Variants in ABCA13 observed in about 807,000 individuals in gnomAD.
The protein encoded by ABCA13 is ATP-binding cassette sub-family A member 13.
A neutral mutation model predicts 478.7 loss-of-function variants in ABCA13; 476 were observed. That is an observed-to-expected ratio of 0.99 (90% CI 0.92 to 1.07). The LOEUF is 1.07. ABCA13 is among the 50% of genes least tolerant of loss of function. The pLI is 0.00. For synonymous variants in ABCA13, 2,252 were observed against 2,158.9 expected, an observed-to-expected ratio of 1.04 and a Z score of -1.20; for missense variants, 6,060 against 5,910.6, an observed-to-expected ratio of 1.03 and a Z score of -0.83.
At chr7:48,312,198 GC>G (rs759189946) in intron 24 of ABCA13, among the ~76,000 whole-genome samples, 7 of 152,194 alleles carry the variant, frequency 4.6e-5, no homozygotes, top group Non-Finnish European at 7.4e-5. Context: ...AAAATAAGAA[GC>G]AGTGACAACT....
intron 55 of ABCA13, among the ~76,000 whole-genome samples, chr7:48,550,508 C>G (rs961211795): frequency 6.6e-6 from 1 of 151,210 alleles, no homozygotes; most frequent in Non-Finnish European, 1.5e-5. Flanking sequence ...TCCGCCCCCC[C>G]TCAGCCTCCC....
intron 2 of ABCA13, among the ~76,000 whole-genome samples, chr7:48,193,447 GA>G (rs1030710812): frequency 1.3e-5 from 2 of 152,024 alleles, no homozygotes; most frequent in African/African-American, 4.8e-5. Context: ...TGATGCTGAT[GA>G]TATGATGATG....
chr7:48,496,253 A>G (rs1262722849), intron 48 of ABCA13, among the ~76,000 whole-genome samples: 1 of 151,798 alleles, frequency 6.6e-6, no homozygotes, highest in Non-Finnish European at 1.5e-5. Flanking sequence ...ACATTCATTT[A>G]GTTTTCTTAG....
chr7:48,481,015 T>A (rs1182632210), intron 45 of ABCA13, 21 bp from the exon 46 acceptor site: 8 of 1,522,726 alleles, frequency 5.3e-6, no homozygotes, highest in Non-Finnish European at 4.5e-6. Context: ...TTTGTTTTTA[T>A]CTTTTTGAAA....
At chr7:48,510,544 G>T (rs1563372518) in intron 50 of ABCA13, among the ~76,000 whole-genome samples, 1 of 152,200 alleles carries the variant, frequency 6.6e-6, no homozygotes, top group Non-Finnish European at 1.5e-5. Context: ...AGATGGATAT[G>T]CATGACAGTA....
chr7:48,497,473 A>T (rs1228639147), intron 48 of ABCA13, among the ~76,000 whole-genome samples: 2 of 152,026 alleles, frequency 1.3e-5, no homozygotes, highest in Non-Finnish European at 2.9e-5. Context: ...GTTGTGAAGG[A>T]TTATTTTCAG....
At chr7:48,466,123 A>C (rs1428772443) in intron 43 of ABCA13, among the ~76,000 whole-genome samples, 1 of 152,224 alleles carries the variant, frequency 6.6e-6, no homozygotes, top group Non-Finnish European at 1.5e-5. Flanking sequence ...ATACTAATTT[A>C]GAATTTTAAT....
intron 55 of ABCA13, among the ~76,000 whole-genome samples, chr7:48,566,019 T>G (rs1398895893): frequency 6.6e-6 from 1 of 152,152 alleles, no homozygotes; most frequent in African/African-American, 2.4e-5. Flanking sequence ...TCCAGCAGTT[T>G]GGAAGCAAAT....
At chr7:48,587,977 A>G (rs1789356655) in intron 57 of ABCA13, among the ~76,000 whole-genome samples, 1 of 152,272 alleles carries the variant, frequency 6.6e-6, no homozygotes, top group African/African-American at 2.4e-5. Flanking sequence ...TCTAATCAGT[A>G]GAGTGCATCT....
chr7:48,614,019 T>G lies in ABCA13; in HGVS notation c.14745-1266T>G, dbSNP rs182884857. Among the ~76,000 whole-genome samples, 548 of 148,872 alleles carry G rather than the reference T, an allele frequency of 3.7e-3. 9 individuals carry two copies. The highest frequency in any genetic ancestry group is 0.011 in the African/African-American group (469 of 41,104). On this transcript the variant is annotated intron_variant, in intron 58 of 61. Transcript: ENST00000435803. ...ATACAACTTATTTATATTTTACATA[T>G]AATTAATTTACTTATGTTTTATGTT...
intron 27 of ABCA13, among the ~76,000 whole-genome samples, chr7:48,334,172 A>G (rs986122945): frequency 8.6e-5 from 13 of 151,984 alleles, no homozygotes; most frequent in African/African-American, 2.9e-4. Flanking sequence ...GATTTTACAG[A>G]TCTTCTACAT....
chr7:48,304,661 A>G (rs1008893831), intron 23 of ABCA13, among the ~76,000 whole-genome samples: 7 of 152,184 alleles, frequency 4.6e-5, no homozygotes, highest in Admixed American at 6.5e-5. Flanking sequence ...AAAACCACCT[A>G]TTGGGCACTA....
Position 48,239,400 on chromosome 7 carries a change from C to G in ABCA13, c.1057C>G (p.Gln353Glu). Residue 353 changes from glutamine (Q) to glutamate (E), a missense_variant, in exon 9 of 62, where the codon CAA becomes GAA. Around this residue, in one of 3 missense-constraint regions of ABCA13, gnomAD observed 4,423 missense variants for 4,309.1 expected, o/e 1.03. Transcript: ENST00000435803. ...VHAVSWLRVY[Q>E]QVFVQWQQGS... ...TGCAGTCAGCTGGCTGCGAGTCTAC[C>G]AACAGGTGCTGTCCCCTCTCTCTAT... 6.2e-7 allele frequency: 1 copy of G among 1,611,966 alleles called. No individual in the cohort carries two copies. Among genetic ancestry groups the G allele is most frequent in the Non-Finnish European group, 8.5e-7 (1 of 1,178,750 alleles).
rs777567759 is a variant in ABCA13 at position 48,367,887 on chromosome 7, G to T, written c.10782G>T (p.Glu3594Asp). ...VASMVRKLVY[E>D]QEIQIEEYMR... Reference sequence around the variant, plus strand: ...GCATGGTCAGAAAGTTGGTGTATGAGCAGGAGATACAGATAGAAGAGGTAA... The same window carrying T: ...GCATGGTCAGAAAGTTGGTGTATGATCAGGAGATACAGATAGAAGAGGTAA... The change falls in exon 32 of 62, where the codon GAG (glutamate) becomes GAT (aspartate). Residue 3594 changes from glutamate to aspartate, a missense_variant. By Grantham distance (45) the Glu-to-Asp change is conservative. Transcript: ENST00000435803. The T allele has an allele frequency of 2.5e-6, 4 of 1,576,584 alleles. No individual in the cohort carries two copies. The highest frequency in any genetic ancestry group is 1.7e-4 in the Middle Eastern group (1 of 6,012).
At chr7:48,327,447 G>A (rs1268763045) in intron 27 of ABCA13, among the ~76,000 whole-genome samples, 1 of 152,144 alleles carries the variant, frequency 6.6e-6, no homozygotes, top group Non-Finnish European at 1.5e-5. Flanking sequence ...GGGATTATGG[G>A]AAGTACAATT....
intron 48 of ABCA13, among the ~76,000 whole-genome samples, chr7:48,499,216 T>A (rs1421148948): frequency 6.6e-6 from 1 of 152,160 alleles, no homozygotes; most frequent in Non-Finnish European, 1.5e-5. Flanking sequence ...TCAAAACGCC[T>A]TGTAGTCAGA....
At chr7:48,271,346 G>A (rs1795578613) in intron 16 of ABCA13, among the ~76,000 whole-genome samples, 1 of 68,802 alleles carries the variant, frequency 1.5e-5, no homozygotes, top group Non-Finnish European at 2.5e-5. Flanking sequence ...AAGAGCACTG[G>A]AATTTGCCTT....
intron 35 of ABCA13, among the ~76,000 whole-genome samples, chr7:48,378,788 G>C (rs1813889374): frequency 6.6e-6 from 1 of 152,190 alleles, no homozygotes; most frequent in South Asian, 2.1e-4. Context: ...TCACACGGAT[G>C]TACCTTTTCT....
At chr7:48,346,868 C>A (rs1808192538) in intron 29 of ABCA13, among the ~76,000 whole-genome samples, 6 of 152,190 alleles carry the variant, frequency 3.9e-5, no homozygotes, top group Admixed American at 3.9e-4. Flanking sequence ...GCACCAGTGA[C>A]CTGCACTCCT....
Sources: allele counts gnomAD v4.1 joint callset (sites outside exome capture counted in the v4.1 genomes callset), GRCh38; gene constraint gnomAD v4.1.1; regional missense constraint gnomAD v4.1.1; transcripts MANE v1.5; gene names NCBI Gene and HGNC (gene_info 2026-07-23, HGNC 2026-07-21).